ADARB2: variants seen among roughly 807,000 people sequenced by gnomAD.
ADARB2 encodes the protein adenosine deaminase RNA specific B2 (inactive), also known as inactive double-stranded RNA-specific editase B2.
Under a neutral mutation model 62.2 loss-of-function variants are expected in ADARB2, and 25 were observed. That is an observed-to-expected ratio of 0.40 (90% CI 0.29 to 0.56). The LOEUF (loss-of-function observed/expected upper bound fraction) is 0.56, where lower values mean the gene tolerates loss of function less well. Ranked by LOEUF, ADARB2 falls within the 20% of genes least tolerant of loss-of-function variation. The pLI, the probability that ADARB2 is intolerant of heterozygous loss-of-function variation, is 0.43. For missense variants in ADARB2, 1,071 were observed against 1,077.4 expected, an observed-to-expected ratio of 0.99 and a Z score of 0.08; for synonymous variants, 572 against 500.8, an observed-to-expected ratio of 1.14 and a Z score of -1.90.
chr10:1,271,192 TC>T (rs1349009137), intron 3 of ADARB2, 123 bp from the exon 4 acceptor site: 6 of 719,416 alleles, frequency 8.3e-6, no homozygotes, highest in South Asian at 3.6e-5. Context: ...CCTGCTCTCC[TC>T]CCCTCCTCAC....
intron 3 of ADARB2, chr10:1,361,070 C>T (rs1832248955): frequency 6.6e-6 from 1 of 152,206 alleles, no homozygotes; most frequent in Non-Finnish European, 1.5e-5. Context: ...CGACGGGGGA[C>T]ACGCCCCAGA....
At chr10:1,469,522 T>C (rs903155389) in intron 1 of ADARB2, among the ~76,000 whole-genome samples, 1 of 152,218 alleles carries the variant, frequency 6.6e-6, no homozygotes, top group Admixed American at 6.5e-5. Context: ...TCTTGAGAAG[T>C]CCCAAATTAT....
At chr10:1,319,776 TC>T (rs1831779066) in intron 3 of ADARB2, among the ~76,000 whole-genome samples, 1 of 152,210 alleles carries the variant, frequency 6.6e-6, no homozygotes, top group Non-Finnish European at 1.5e-5. Flanking sequence ...GAACATGACT[TC>T]TGGGAATTAG....
chr10:1,310,790 A>G (rs1277463745), intron 3 of ADARB2, among the ~76,000 whole-genome samples: 1 of 152,244 alleles, frequency 6.6e-6, no homozygotes, highest in African/African-American at 2.4e-5. Context: ...CGTTTCCCCA[A>G]GGAAGAGGCA....
chr10:1,228,575 G>A (rs1301954690), intron 6 of ADARB2, among the ~76,000 whole-genome samples: 2 of 152,200 alleles, frequency 1.3e-5, no homozygotes, highest in Non-Finnish European at 2.9e-5. Context: ...TCAGGCATTT[G>A]TCCCTGCCTT....
intron 1 of ADARB2, among the ~76,000 whole-genome samples, chr10:1,420,014 GAAGAT>G (rs1285040633): frequency 6.6e-6 from 1 of 152,216 alleles, no homozygotes; most frequent in African/African-American, 2.4e-5. Flanking sequence ...TCTGGCTTGA[GAAGAT>G]AAGTAAAATA....
intron 1 of ADARB2, among the ~76,000 whole-genome samples, chr10:1,700,968 T>C (rs1588358024): frequency 3.0e-4 from 2 of 6,734 alleles, no homozygotes; most frequent in African/African-American, 3.6e-4. Context: ...CGCTCGCCAA[T>C]ACACTCAATC....
intron 4 of ADARB2, among the ~76,000 whole-genome samples, chr10:1,257,802 G>T (rs1831093612): frequency 6.6e-6 from 1 of 152,214 alleles, no homozygotes; most frequent in African/African-American, 2.4e-5. Context: ...TTTCCGCAGG[G>T]AAGTCCTTTC....
At chr10:1,628,458 T>C (rs1341744502) in intron 1 of ADARB2, among the ~76,000 whole-genome samples, 1 of 152,236 alleles carries the variant, frequency 6.6e-6, no homozygotes, top group Non-Finnish European at 1.5e-5. Context: ...AGGAACTTAA[T>C]AAGCCAAGAT....
At chr10:1,525,190 T>G (rs1008366272) in intron 1 of ADARB2, among the ~76,000 whole-genome samples, 15 of 152,122 alleles carry the variant, frequency 9.9e-5, no homozygotes, top group Non-Finnish European at 2.9e-5. Flanking sequence ...TTGCTTTCCT[T>G]TTTGTATGTT....
chr10:1,543,998 C>CAAAA (rs779186191), intron 1 of ADARB2, among the ~76,000 whole-genome samples: 2 of 81,986 alleles, frequency 2.4e-5, no homozygotes, highest in Admixed American at 1.4e-4. Flanking sequence ...GGCAGGTGAC[C>CAAAA]AAAAAAAAAA....
At chr10:1,465,646 C>T (rs1831245163) in intron 1 of ADARB2, among the ~76,000 whole-genome samples, 1 of 152,184 alleles carries the variant, frequency 6.6e-6, no homozygotes, top group African/African-American at 2.4e-5. Context: ...GACCTTTGCT[C>T]ATGAGAATAG....
At chr10:1,394,404 T>C (rs1169504074) in intron 1 of ADARB2, among the ~76,000 whole-genome samples, 1 of 152,226 alleles carries the variant, frequency 6.6e-6, no homozygotes, top group African/African-American at 2.4e-5. Context: ...GTGCCTCAGC[T>C]TCTCTAGAGG....
chr10:1,187,973 C>T (rs1445369059), intron 8 of ADARB2: 5 of 223,080 alleles, frequency 2.2e-5, no homozygotes, highest in East Asian at 1.2e-4. Flanking sequence ...ACAACAGCCC[C>T]GCAGGCTACT....
intron 1 of ADARB2, among the ~76,000 whole-genome samples, chr10:1,474,593 C>T (rs541497374): frequency 6.6e-6 from 1 of 152,318 alleles, no homozygotes; most frequent in African/African-American, 2.4e-5. Context: ...ACCCAGGCCA[C>T]CTCCGTGTCC....
chr10:1,215,035 C>T (rs929484284), intron 7 of ADARB2, among the ~76,000 whole-genome samples: 12 of 152,138 alleles, frequency 7.9e-5, no homozygotes, highest in East Asian at 1.9e-4. Flanking sequence ...GTGTAGATCC[C>T]GGGGAGCAGA....
chr10:1,494,187 A>C (rs1181470260), intron 1 of ADARB2, among the ~76,000 whole-genome samples: 1 of 152,192 alleles, frequency 6.6e-6, no homozygotes, highest in Non-Finnish European at 1.5e-5. Flanking sequence ...ACACAGGAAT[A>C]AATGTTAAGT....
At chr10:1,252,349 C>CCTATTTCCT (rs1438935382) in intron 4 of ADARB2, among the ~76,000 whole-genome samples, 1 of 152,204 alleles carries the variant, frequency 6.6e-6, no homozygotes, top group Non-Finnish European at 1.5e-5. Context: ...ACTCTGCCTC[C>CCTATTTCCT]CTATTTCCTA....
Position 1,337,608 on chromosome 10 carries a change from C to T in ADARB2, c.1077+25420G>A, listed in dbSNP as rs1029818761. On this transcript the variant is annotated intron_variant, in intron 3 of 9. Coordinates refer to ENST00000381312, the MANE Select transcript of ADARB2 (RefSeq NM_018702.4). ...TCTGAGGGTAAGCAGGTGCATGCGC[C>T]GGGGTTACCCATCCCTCCCACCGAG... 7.2e-5 allele frequency among the ~76,000 whole-genome samples: 11 copies of T among 151,988 alleles called. 1 individual carries two copies. Among genetic ancestry groups the T allele is most frequent in the East Asian group, 3.9e-4 (2 of 5,160 alleles).
Sources: gnomAD v4.1 joint callset for allele counts (sites outside exome capture counted in the v4.1 genomes callset) on GRCh38, gnomAD v4.1.1 for gene constraint, MANE v1.5 for transcripts, NCBI Gene and HGNC (gene_info 2026-07-23, HGNC 2026-07-21) for gene names.